The following KMO variants were observed in gnomAD, a reference collection of about 807,000 sequenced individuals.
KMO encodes the protein kynurenine 3-monooxygenase.
Under a neutral mutation model 57.8 loss-of-function variants are expected in KMO, and 24 were observed. The observed-to-expected ratio is 0.42, with a 90% CI of 0.30 to 0.58. The LOEUF is 0.58. Ranked by LOEUF, KMO falls within the 20% of genes least tolerant of loss-of-function variation. The pLI is 0.22. For missense variants in KMO, 483 were observed against 588.2 expected, an observed-to-expected ratio of 0.82 and a Z score of 1.85; for synonymous variants, 210 against 193.6, an observed-to-expected ratio of 1.08 and a Z score of -0.70.
At chr1:241,572,796 C>T (rs1043079483) in intron 10 of KMO, among the ~76,000 whole-genome samples, 17 of 152,182 alleles carry the variant, frequency 1.1e-4, no homozygotes, top group Admixed American at 6.5e-4. Flanking sequence ...ACTCCCCTCT[C>T]GTTCACCATT....
At chr1:241,539,770 C>T (rs1056360410) in intron 1 of KMO, among the ~76,000 whole-genome samples, 2 of 152,154 alleles carry the variant, frequency 1.3e-5, no homozygotes, top group Non-Finnish European at 2.9e-5. Context: ...GTAATAAGGC[C>T]CAGGAGCCAA....
chr1:241,590,294 A>G, intron 14 of KMO, 31 bp downstream of exon 14: 1 of 1,529,646 alleles, frequency 6.5e-7, no homozygotes, highest in Non-Finnish European at 9.1e-7. Context: ...TTTATTTTTT[A>G]ATGTGGTGTT....
chr1:241,549,981 A>G, intron 3 of KMO: 1 of 508,286 alleles, frequency 2.0e-6, no homozygotes, highest in East Asian at 3.4e-5. Flanking sequence ...CTGCAACCGG[A>G]TGATTGCTTC....
chr1:241,551,249 G>C (rs930065194), intron 4 of KMO, among the ~76,000 whole-genome samples: 1 of 152,160 alleles, frequency 6.6e-6, no homozygotes, highest in Non-Finnish European at 1.5e-5. Context: ...AAACATTCAG[G>C]AAGAATTAGC....
intron 5 of KMO, 191 bp downstream of exon 5, chr1:241,555,851 G>C (rs1444384937): frequency 4.6e-6 from 2 of 430,762 alleles, no homozygotes; most frequent in African/African-American, 4.0e-5. Flanking sequence ...ACTCTGAAAG[G>C]CTGAGGCCAG....
intron 11 of KMO, among the ~76,000 whole-genome samples, chr1:241,587,131 CA>C (rs1558431834): frequency 6.6e-6 from 1 of 152,104 alleles, no homozygotes; most frequent in African/African-American, 2.4e-5. Flanking sequence ...TTTCCACAGA[CA>C]GGGGGTGGGG....
chr1:241,547,275 G>T (rs921706749), intron 1 of KMO, among the ~76,000 whole-genome samples: 2 of 152,090 alleles, frequency 1.3e-5, no homozygotes, highest in Non-Finnish European at 1.5e-5. Flanking sequence ...TAAAATAAAA[G>T]ATTGGTGAAT....
At chr1:241,563,459 A>T (rs1661954823) in intron 7 of KMO, among the ~76,000 whole-genome samples, 1 of 152,228 alleles carries the variant, frequency 6.6e-6, no homozygotes, top group Admixed American at 6.5e-5. Flanking sequence ...AATATCAGCC[A>T]GTAAAATCCA....
chr1:241,548,181 A>G (rs1353675263), intron 1 of KMO, among the ~76,000 whole-genome samples: 1 of 152,036 alleles, frequency 6.6e-6, no homozygotes, highest in Non-Finnish European at 1.5e-5. Context: ...CTATAATTCT[A>G]GCACTTTGAG....
At chr1:241,550,460 A>C (rs564410436) in intron 3 of KMO, among the ~76,000 whole-genome samples, 1 of 152,378 alleles carries the variant, frequency 6.6e-6, no homozygotes, top group Admixed American at 6.5e-5. Context: ...TAATATAAAC[A>C]GACATGATAG....
chr1:241,561,865 A>T (rs1050446097), intron 6 of KMO, among the ~76,000 whole-genome samples: 4 of 152,202 alleles, frequency 2.6e-5, no homozygotes, highest in African/African-American at 4.8e-5. Flanking sequence ...CACTTGGAAC[A>T]CTTGCCCTGT....
chr1:241,577,173 C>T (rs1466759283), intron 10 of KMO, among the ~76,000 whole-genome samples: 1 of 151,968 alleles, frequency 6.6e-6, no homozygotes, highest in African/African-American at 2.4e-5. Context: ...TGTTGTTTTT[C>T]ACCTTTCTCT....
Position 241,562,319 on chromosome 1 carries a change from C to G in KMO, c.602C>G (p.Pro201Arg). The change falls in exon 7 of 15, where the codon CCT (proline) becomes CGT (arginine). Residue 201 changes from proline to arginine, a missense_variant. Pro to Arg is a moderately radical substitution (Grantham distance 103). This residue lies in a region of KMO where 410 missense variants were observed against 492.3 expected (regional missense o/e 0.83). Coordinates refer to ENST00000366559, the MANE Select transcript of KMO (RefSeq NM_003679.5). ...GGGTACATGGAGTTGACTATTCCAC[C>G]TAAGAACGGAGATGTAAGTCCTTGC... ...PHGYMELTIP[P>R]KNGDYAMEPN... is the part of the protein sequence containing the mutation. The G allele has an allele frequency of 6.2e-7, 1 of 1,614,058 alleles. No individual in the cohort carries two copies. Among genetic ancestry groups the G allele is most frequent in the South Asian group, 1.1e-5 (1 of 91,068 alleles).
rs777088081 is a variant in KMO, at chr1:241,532,394, T to G, written c.-51T>G. ...AGTGTGTAGGAGACACAGAAATCAG[T>G]GTCACTCAGTGACAGAAGCAACAAT... On this transcript the variant is annotated 5_prime_UTR_variant, in exon 1 of 15. Coordinates refer to ENST00000366559, the MANE Select transcript of KMO (RefSeq NM_003679.5). 3.7e-6 allele frequency: 6 copies of G among 1,611,676 alleles called. No individual in the cohort carries two copies. The South Asian group carries it at 6.6e-5, about 18-fold the overall frequency.
chr1:241,559,772 T>C lies in KMO; in HGVS notation c.362-893T>C, dbSNP rs77276004. Among the ~76,000 whole-genome samples the C allele has an allele frequency of 9.0e-3, 1,369 of 152,324 alleles. 54 individuals are homozygous for C. The highest frequency in any genetic ancestry group is 0.07 in the Admixed American group (1,077 of 15,286). On this transcript the variant is annotated intron_variant, in intron 5 of 14. Transcript: ENST00000366559. Reference sequence around the variant, plus strand: ...ATTTACGTTTTTGACATATAAAAACTGTACATAATTAATGTGTACAACTTG... The same window carrying C: ...ATTTACGTTTTTGACATATAAAAACCGTACATAATTAATGTGTACAACTTG...
At chr1:241,567,579 C>A (rs1167679359) in intron 9 of KMO, among the ~76,000 whole-genome samples, 1 of 152,216 alleles carries the variant, frequency 6.6e-6, no homozygotes, top group African/African-American at 2.4e-5. Flanking sequence ...TTTCACACTG[C>A]TTCTTCCCCT....
intron 10 of KMO, among the ~76,000 whole-genome samples, chr1:241,584,359 G>A (rs1289627542): frequency 6.6e-6 from 1 of 152,234 alleles, no homozygotes. Flanking sequence ...ACAGGTGCTG[G>A]AGAAGATGTG....
rs545956478 is a variant in KMO at position 241,587,871 on chromosome 1, G to A, written c.1016-877G>A. Among the ~76,000 whole-genome samples, 16 of 152,112 alleles carry A rather than the reference G, an allele frequency of 1.1e-4. 1 individual carries two copies. In the South Asian group the frequency reaches 3.3e-3, roughly 32 times the overall value. On this transcript the variant is annotated intron_variant, in intron 11 of 14. Transcript: ENST00000366559. ...TTGGTTTGCACATGACCATGGAGGTGGATGGAGGGTTTGTATATTACATAT... is the reference window on the plus strand; with the variant it reads ...TTGGTTTGCACATGACCATGGAGGTAGATGGAGGGTTTGTATATTACATAT...
intron 10 of KMO, 102 bp downstream of exon 10, chr1:241,568,749 C>A: frequency 9.3e-7 from 1 of 1,077,202 alleles, no homozygotes; most frequent in South Asian, 1.6e-5. Flanking sequence ...CCCACATAAT[C>A]CCTGAAAGCA....
Sources: gnomAD v4.1 joint callset for allele counts (sites outside exome capture counted in the v4.1 genomes callset) on GRCh38, gnomAD v4.1.1 for gene constraint, gnomAD v4.1.1 regional missense constraint, MANE v1.5 for transcripts, NCBI Gene and HGNC (gene_info 2026-07-23, HGNC 2026-07-21) for gene names.